The following FBXO25 variants were observed in gnomAD, a reference collection of about 807,000 sequenced individuals.
FBXO25 encodes F-box protein 25, also known as F-box only protein 25.
FBXO25 carries 45 observed loss-of-function variants against 51.9 expected under a neutral mutation model. The ratio of observed to expected loss-of-function variants is 0.87; its 90% CI spans 0.68 to 1.11. The LOEUF is 1.11. FBXO25 is among the 50% of genes most tolerant of loss of function. The probability of loss-of-function intolerance (pLI) is 0.00; values close to 1 mark genes in which losing one functional copy is unlikely to be tolerated. For synonymous variants in FBXO25, 199 were observed against 151.0 expected (o/e 1.32, Z -2.33); for missense variants, 507 against 428.5 (o/e 1.18, Z -1.62).
In FBXO25 at chr8:437,763, C is replaced by T. The variant is rs1320173231; in HGVS notation, c.381+2056C>T. 3.3e-4 allele frequency among the ~76,000 whole-genome samples: 49 copies of T among 147,452 alleles called. 1 individual carries two copies. Among genetic ancestry groups the T allele is most frequent in the Admixed American group, 4.1e-4 (6 of 14,790 alleles). ...TATTTTTTTTTTTTTTTTACTTTAT[C>T]GTATGCATTTATCATACATACTGTG... On this transcript the variant is annotated intron_variant, in intron 5 of 9. Coordinates refer to ENST00000350302, the MANE Select transcript of FBXO25 (RefSeq NM_183420.2).
Position 429,908 on chromosome 8 carries a change from C to T in FBXO25, c.135-1433C>T, listed in dbSNP as rs371344613. Among the ~76,000 whole-genome samples the T allele has an allele frequency of 1.2e-4, 18 of 152,384 alleles. No homozygotes were observed. In the South Asian group the frequency reaches 2.9e-3, roughly 25 times the overall value. Reference sequence around the variant, plus strand: ...CCACAGCCATCTAGGCCCAGATTCACAGGAGGATGCGGTTACTGCAAGCAT... The same window carrying T: ...CCACAGCCATCTAGGCCCAGATTCATAGGAGGATGCGGTTACTGCAAGCAT... On this transcript the variant is annotated intron_variant, in intron 2 of 9. Coordinates refer to ENST00000350302, the MANE Select transcript of FBXO25 (RefSeq NM_183420.2).
intron 5 of FBXO25, among the ~76,000 whole-genome samples, chr8:448,420 A>C (rs1394750830): frequency 4.6e-5 from 7 of 152,196 alleles, no homozygotes; most frequent in Non-Finnish European, 4.4e-5. Context: ...ATTTCTCCAA[A>C]TTCTTCAGAT....
At chr8:455,081 C>T (rs969571412) in intron 7 of FBXO25, among the ~76,000 whole-genome samples, 13 of 152,042 alleles carry the variant, frequency 8.6e-5, no homozygotes, top group African/African-American at 2.7e-4. Context: ...CCAGAAGTTG[C>T]AGAATTGACT....
chr8:435,094 T>A (rs1206734027), intron 4 of FBXO25, among the ~76,000 whole-genome samples: 1 of 152,184 alleles, frequency 6.6e-6, no homozygotes, highest in African/African-American at 2.4e-5. Flanking sequence ...TTGAGCATAC[T>A]TCCAGCCTGG....
chr8:448,434 G>A (rs1016098340), intron 5 of FBXO25, among the ~76,000 whole-genome samples: 1 of 152,320 alleles, frequency 6.6e-6, no homozygotes, highest in African/African-American at 2.4e-5. Context: ...TTCAGATAGT[G>A]GAGTAATCCT....
At chr8:407,382 T>G (rs1796218992) in intron 1 of FBXO25, 1 of 979,454 alleles carries the variant, frequency 1.0e-6, no homozygotes, top group Non-Finnish European at 1.2e-6. Context: ...CGCGGGCGCG[T>G]CAGGTAGGGA....
At chr8:424,718 G>C (rs181566865) in intron 2 of FBXO25, among the ~76,000 whole-genome samples, 1 of 152,142 alleles carries the variant, frequency 6.6e-6, no homozygotes, top group African/African-American at 2.4e-5. Flanking sequence ...TCATTGGTCT[G>C]TGAGTCTGTT....
intron 2 of FBXO25, chr8:420,394 A>T (rs1219411586): frequency 6.6e-6 from 1 of 152,226 alleles, no homozygotes; most frequent in Non-Finnish European, 1.5e-5. Flanking sequence ...GCAGCTTCTT[A>T]CTGTGTTACA....
chr8:428,995 T>C (rs1797659237), intron 2 of FBXO25, among the ~76,000 whole-genome samples: 1 of 152,262 alleles, frequency 6.6e-6, no homozygotes, highest in African/African-American at 2.4e-5. Context: ...AATACTGCTA[T>C]GAACGTGGGC....
chr8:454,096 C>T (rs961100591), intron 7 of FBXO25, among the ~76,000 whole-genome samples: 5 of 152,016 alleles, frequency 3.3e-5, no homozygotes, highest in African/African-American at 7.3e-5. Context: ...TGCACTCCAG[C>T]GTGGGCGACA....
intron 2 of FBXO25, among the ~76,000 whole-genome samples, chr8:417,606 A>T (rs571773806): frequency 6.6e-6 from 1 of 152,154 alleles, no homozygotes; most frequent in Non-Finnish European, 1.5e-5. Context: ...TGTGCCTAGG[A>T]ACAGAAGCAC....
intron 5 of FBXO25, 137 bp downstream of exon 5, chr8:435,844 G>A (rs2117657676): frequency 1.5e-6 from 2 of 1,293,742 alleles, no homozygotes; most frequent in Non-Finnish European, 1.0e-6. Context: ...TCAAAAAACA[G>A]AAGGGAACAA....
intron 5 of FBXO25, among the ~76,000 whole-genome samples, chr8:438,322 G>C (rs983601967): frequency 2.0e-5 from 3 of 152,182 alleles, no homozygotes; most frequent in Non-Finnish European, 2.9e-5. Flanking sequence ...GCCTCCCAAA[G>C]TGCTAGGATT....
chr8:433,450 C>T (rs1319179053), intron 4 of FBXO25, among the ~76,000 whole-genome samples: 2 of 152,142 alleles, frequency 1.3e-5, no homozygotes, highest in Non-Finnish European at 2.9e-5. Context: ...TTTTGGAGGG[C>T]AGGGCATCTG....
intron 9 of FBXO25, chr8:467,950 G>A: frequency 7.1e-7 from 1 of 1,414,540 alleles, no homozygotes; most frequent in South Asian, 1.5e-5. Context: ...ATATTTTGCA[G>A]AACAACACCT....
intron 4 of FBXO25, among the ~76,000 whole-genome samples, chr8:434,802 A>G (rs1004652650): frequency 6.6e-6 from 1 of 152,226 alleles, no homozygotes; most frequent in African/African-American, 2.4e-5. Context: ...ACAAACCAAT[A>G]TAGGATAAGG....
chr8:457,027 G>GCA (rs926203308), intron 7 of FBXO25, among the ~76,000 whole-genome samples: 1 of 140,878 alleles, frequency 7.1e-6, no homozygotes, highest in African/African-American at 3.2e-5. Flanking sequence ...TGCTTTGTGT[G>GCA]CAGTAGGATT....
chr8:451,047 C>G (rs1799052554), intron 6 of FBXO25: 4 of 420,366 alleles, frequency 9.5e-6, no homozygotes, highest in African/African-American at 4.1e-5. Context: ...CCTTTTGTAG[C>G]TAGCTTATTT....
rs1459952082 is a variant in FBXO25 at position 435,086 on chromosome 8, G to A, written c.289-529G>A. The stretch of plus-strand genomic sequence containing the variant: ...TCTCCCAGCCCTGATCCTTGTGGTT[G>A]AGCATACTTCCAGCCTGGGCAGTGC... On this transcript the variant is annotated intron_variant, in intron 4 of 9. Transcript: ENST00000350302. Among the ~76,000 whole-genome samples, 3 of 152,130 alleles carry A rather than the reference G, an allele frequency of 2.0e-5. No homozygotes were observed. The East Asian group carries it at 5.8e-4, about 29-fold the overall frequency.
Sources: gnomAD v4.1 joint callset for allele counts (sites outside exome capture counted in the v4.1 genomes callset) on GRCh38, gnomAD v4.1.1 for gene constraint, MANE v1.5 for transcripts, NCBI Gene and HGNC (gene_info 2026-07-23, HGNC 2026-07-21) for gene names.